Variants in ARHGAP28 observed in about 807,000 individuals in gnomAD.
The protein encoded by ARHGAP28 is rho GTPase-activating protein 28.
ARHGAP28 carries 56 observed loss-of-function variants against 90.7 expected under a neutral mutation model. The ratio of observed to expected loss-of-function variants is 0.62; its 90% confidence interval spans 0.50 to 0.77. The LOEUF is 0.77. Ranked by LOEUF, ARHGAP28 falls within the 30% of genes least tolerant of loss-of-function variation. The probability of loss-of-function intolerance (pLI) is 0.00; values close to 1 mark genes in which losing one functional copy is unlikely to be tolerated. For synonymous variants in ARHGAP28, 308 were observed against 323.3 expected (o/e 0.95, Z 0.51); for missense variants, 869 against 900.9 (o/e 0.96, Z 0.45).
In ARHGAP28 at chr18:6,909,556, G is replaced by T. The variant is rs537329827; in HGVS notation, c.2095+532G>T. On this transcript the variant is annotated intron_variant, in intron 17 of 17. Transcript: ENST00000383472. ...GATCCACCCGCCTCGGCCTCCCAAG[G>T]TGCTGGGATTACAGGTGTGAGCCAC... 8.6e-5 allele frequency among the ~76,000 whole-genome samples: 13 copies of T among 152,038 alleles called. No homozygotes were observed. The East Asian group carries it at 2.3e-3, about 27-fold the overall frequency.
chr18:6,812,652 A>G (rs1165884245), intron 1 of ARHGAP28, among the ~76,000 whole-genome samples: 4 of 152,232 alleles, frequency 2.6e-5, no homozygotes, highest in Non-Finnish European at 5.9e-5. Flanking sequence ...GTCAGGGATT[A>G]GATGCTGAGC....
intron 3 of ARHGAP28, among the ~76,000 whole-genome samples, chr18:6,838,966 A>G (rs1319102000): frequency 6.6e-6 from 1 of 152,154 alleles, no homozygotes; most frequent in Admixed American, 6.5e-5. Flanking sequence ...TGTATTTTTC[A>G]TCTGACCATC....
At chr18:6,733,543 C>T (rs1261684058) in intron 1 of ARHGAP28, among the ~76,000 whole-genome samples, 1 of 152,072 alleles carries the variant, frequency 6.6e-6, no homozygotes, top group East Asian at 1.9e-4. Flanking sequence ...TCTCATACTA[C>T]TTTTATCTTT....
chr18:6,882,032 C>A, intron 10 of ARHGAP28, 105 bp from the exon 11 acceptor site: 1 of 1,031,676 alleles, frequency 9.7e-7, no homozygotes, highest in Non-Finnish European at 1.4e-6. Context: ...ATTACCTTAC[C>A]AGTCTGTTTA....
intron 1 of ARHGAP28, among the ~76,000 whole-genome samples, chr18:6,738,759 T>A (rs1352859691): frequency 6.6e-6 from 1 of 152,020 alleles, no homozygotes; most frequent in Non-Finnish European, 1.5e-5. Context: ...TGGCAAGAGA[T>A]AAAAAGCAGA....
intron 3 of ARHGAP28, among the ~76,000 whole-genome samples, chr18:6,837,981 T>A (rs1330307927): frequency 1.3e-5 from 2 of 152,238 alleles, no homozygotes; most frequent in African/African-American, 4.8e-5. Context: ...CCCTTAGCAA[T>A]TTCATGTCCA....
At position 6,866,833 on chromosome 18, in the gene ARHGAP28, G is replaced by A. The variant is rs538210638; in HGVS notation, c.727-1317G>A. Among the ~76,000 whole-genome samples the A allele has an allele frequency of 4.6e-5, 7 of 152,262 alleles. 1 individual carries two copies. In the South Asian group the frequency reaches 1.5e-3, roughly 32 times the overall value. On this transcript the variant is annotated intron_variant, in intron 5 of 17. Transcript: ENST00000383472. ...TAGGTTTAAGTATCCCAAACCATCA[G>A]TTTCAAGCCCTAAATAAATAAAAAA...
intron 7 of ARHGAP28, among the ~76,000 whole-genome samples, chr18:6,871,382 G>A (rs1448826890): frequency 1.3e-5 from 2 of 152,106 alleles, no homozygotes; most frequent in Non-Finnish European, 2.9e-5. Context: ...ACACACTTGT[G>A]CCTCTATAAG....
chr18:6,796,902 A>T, intron 1 of ARHGAP28, among the ~76,000 whole-genome samples: 1 of 152,262 alleles, frequency 6.6e-6, no homozygotes, highest in Admixed American at 6.5e-5. Flanking sequence ...AAATTAAGAA[A>T]TAACAAATGG....
chr18:6,807,771 G>C (rs912899089), intron 1 of ARHGAP28, among the ~76,000 whole-genome samples: 13 of 152,200 alleles, frequency 8.5e-5, no homozygotes, highest in African/African-American at 3.1e-4. Flanking sequence ...AGGAGCTCCA[G>C]AGTTCTCTGT....
chr18:6,856,787 T>G (rs1400689023), intron 4 of ARHGAP28, among the ~76,000 whole-genome samples: 1 of 152,162 alleles, frequency 6.6e-6, no homozygotes, highest in East Asian at 1.9e-4. Context: ...AGGCCCCCCA[T>G]CCTGGAGAAG....
Position 6,729,783 on chromosome 18 carries a change from T to C in ARHGAP28, c.-39T>C. The C allele has an allele frequency of 7.4e-7, 1 of 1,360,450 alleles. No individual in the cohort carries two copies. The highest frequency in any genetic ancestry group is 9.4e-7 in the Non-Finnish European group (1 of 1,059,220). The allele number at this position is 1,360,450 out of a possible 1,614,324, so 84.3% of individuals were successfully genotyped here. On this transcript the variant is annotated 5_prime_UTR_variant, in exon 1 of 18. Transcript: ENST00000383472. ...GCGCCGGTCCATGCTGGTCCCGGTC[T>C]TTGTTCTGGGGCCGGCGCCGAGACA...
intron 1 of ARHGAP28, among the ~76,000 whole-genome samples, chr18:6,760,610 A>G (rs1379973338): frequency 1.3e-5 from 2 of 152,230 alleles, no homozygotes; most frequent in East Asian, 3.8e-4. Context: ...TAGCAAGGTA[A>G]AAGATTTCTC....
At chr18:6,885,113 C>T (rs2057209962) in intron 11 of ARHGAP28, among the ~76,000 whole-genome samples, 1 of 152,188 alleles carries the variant, frequency 6.6e-6, no homozygotes, top group Non-Finnish European at 1.5e-5. Context: ...TCATTACTGC[C>T]TATCTGACTA....
intron 6 of ARHGAP28, among the ~76,000 whole-genome samples, chr18:6,869,698 TTTA>T (rs2057067818): frequency 6.6e-6 from 1 of 152,266 alleles, no homozygotes; most frequent in African/African-American, 2.4e-5. Flanking sequence ...CTAAGTTTTC[TTTA>T]ATTCTGCCTT....
intron 1 of ARHGAP28, among the ~76,000 whole-genome samples, chr18:6,791,924 G>A (rs1245703372): frequency 1.3e-5 from 2 of 151,456 alleles, no homozygotes; most frequent in Non-Finnish European, 2.9e-5. Context: ...TCAGCCTCCT[G>A]AGTAGCTGAG....
intron 7 of ARHGAP28, among the ~76,000 whole-genome samples, chr18:6,872,086 G>C (rs2057094193): frequency 6.6e-6 from 1 of 152,204 alleles, no homozygotes; most frequent in African/African-American, 2.4e-5. Context: ...CGAGGGAAAA[G>C]AGAGAAGCCT....
chr18:6,881,383 C>G (rs2057176762), intron 10 of ARHGAP28, among the ~76,000 whole-genome samples: 1 of 152,212 alleles, frequency 6.6e-6, no homozygotes, highest in Middle Eastern at 3.4e-3. Flanking sequence ...ATAGGTAAAC[C>G]TTGTAGTTCA....
At chr18:6,820,921 A>T (rs1414508095) in intron 1 of ARHGAP28, among the ~76,000 whole-genome samples, 1 of 152,240 alleles carries the variant, frequency 6.6e-6, no homozygotes, top group Non-Finnish European at 1.5e-5. Context: ...CTCAAAAATG[A>T]AGAGAAAGGA....
Sources: gnomAD v4.1 joint callset for allele counts (sites outside exome capture counted in the v4.1 genomes callset) on GRCh38, gnomAD v4.1.1 for gene constraint, MANE v1.5 for transcripts, NCBI Gene and HGNC (gene_info 2026-07-23, HGNC 2026-07-21) for gene names.